Variants in FOSL1 observed in about 807,000 individuals in gnomAD.
The protein encoded by FOSL1 is fos-related antigen 1.
A neutral mutation model predicts 24.9 loss-of-function variants in FOSL1; 14 were observed. The observed-to-expected ratio is 0.56, with a 90% confidence interval of 0.37 to 0.88. The LOEUF is 0.88. Among genes scored for constraint, FOSL1 ranks in the 40% least tolerant of loss-of-function variants. The pLI, the probability that FOSL1 is intolerant of heterozygous loss-of-function variation, is 0.00. For missense variants in FOSL1, 318 were observed against 359.8 expected (o/e 0.88, Z 0.94); for synonymous variants, 133 against 145.1 (o/e 0.92, Z 0.60).
Position 65,896,682 on chromosome 11 carries a change from G to A in FOSL1, c.297+127C>T, listed in dbSNP as rs1304616175. Reference sequence around the variant, plus strand: ...TGGGGCTCCTATCACTTTCAGCCTTGGGCAGTAGTCACCTGTAGCCTACCT... The same window carrying A: ...TGGGGCTCCTATCACTTTCAGCCTTAGGCAGTAGTCACCTGTAGCCTACCT... On this transcript the variant is annotated intron_variant, in intron 2 of 3. Transcript: ENST00000312562. 3 of 705,098 alleles carry A rather than the reference G, an allele frequency of 4.3e-6. No individual in the cohort carries two copies. The Admixed American group carries it at 8.4e-5, about 20-fold the overall frequency. 43.7% of individuals were successfully genotyped at this position (705,098 alleles called of 1,614,324 possible).
In FOSL1 at chr11:65,900,368, A is replaced by G. The variant is rs1280416178; in HGVS notation, c.-29T>C. On this transcript the variant is annotated 5_prime_UTR_variant, in exon 1 of 4. Coordinates refer to ENST00000312562, the MANE Select transcript of FOSL1 (RefSeq NM_005438.5). ...CGGGGCTGGCGGCTCTGCGGGGTAC[A>G]CGGCTGCTGGGTTCTGACTCACCCG... 3.4e-6 allele frequency: 4 copies of G among 1,170,116 alleles called. No individual in the cohort carries two copies. Among genetic ancestry groups the G allele is most frequent in the Non-Finnish European group, 4.3e-6 (4 of 929,456 alleles). The allele number at this position is 1,170,116 out of a possible 1,614,324, so 72.5% of individuals were successfully genotyped here. A position where few individuals can be genotyped will look rare whatever the true frequency, so the allele number is the denominator to read the frequency against.
At chr11:65,899,670 C>T (rs1231602514) in intron 1 of FOSL1, among the ~76,000 whole-genome samples, 1 of 152,218 alleles carries the variant, frequency 6.6e-6, no homozygotes, top group Non-Finnish European at 1.5e-5. Flanking sequence ...TTCCACTGCC[C>T]GGACCCCCCT....
rs1382205558 is a variant in FOSL1, at chr11:65,900,332, C to T, written c.8G>A (p.Arg3Gln). The T allele has an allele frequency of 8.1e-7, 1 of 1,238,230 alleles. No individual in the cohort carries two copies. Among genetic ancestry groups the T allele is most frequent in the Non-Finnish European group, 1.0e-6 (1 of 990,062 alleles). 76.7% of individuals were successfully genotyped at this position (1,238,230 alleles called of 1,614,324 possible). Residue 3 changes from arginine to glutamine, a missense_variant, in exon 1 of 4, where the codon CGA (arginine) becomes CAA (glutamine). Coordinates refer to ENST00000312562, the MANE Select transcript of FOSL1 (RefSeq NM_005438.5). Reference protein sequence around the residue: MFRDFGEPGPSSG... With the variant: MFQDFGEPGPSSG... The stretch of plus-strand genomic sequence containing the variant: ...GCTCGGGCCGGGTTCCCCGAAGTCT[C>T]GGAACATGCCCGGGGCTGGCGGCTC...
At chr11:65,893,946 T>A in intron 3 of FOSL1, 68 bp downstream of exon 3, 1 of 1,074,542 alleles carries the variant, frequency 9.3e-7, no homozygotes, top group South Asian at 1.3e-5. Flanking sequence ...GGGCTACATA[T>A]ACTGGGGCTC....
intron 1 of FOSL1, 37 bp from the exon 2 acceptor site, chr11:65,897,043 C>A: frequency 2.6e-6 from 4 of 1,531,474 alleles, no homozygotes; most frequent in Non-Finnish European, 3.6e-6. Context: ...AGATGAGGTC[C>A]GTGTGGATTG....
rs1416098633 is a variant in FOSL1 at position 65,898,043 on chromosome 11, C to CCCTTTTTTT, written c.100-1038_100-1037insAAAAAAAGG. ...ATTTGGCTAATTTTTTTTTTCTTTT[C>CCCTTTTTTT]TGTTTTTTTTTTTTTGAGACACAGT... On this transcript the variant is annotated intron_variant, in intron 1 of 3. Transcript: ENST00000312562. Among the ~76,000 whole-genome samples the CCCTTTTTTT allele has an allele frequency of 2.5e-5, 2 of 79,672 alleles. 1 individual carries two copies. Among genetic ancestry groups the CCCTTTTTTT allele is most frequent in the South Asian group, 7.7e-4 (2 of 2,586 alleles). The allele number at this position is 79,672 out of a possible 152,430, so 52.3% of individuals were successfully genotyped here.
chr11:65,895,406 G>A (rs1860503148), intron 2 of FOSL1, among the ~76,000 whole-genome samples: 1 of 152,144 alleles, frequency 6.6e-6, no homozygotes, highest in African/African-American at 2.4e-5. Flanking sequence ...TTACAGGCGT[G>A]AGCCACCATG....
intron 1 of FOSL1, among the ~76,000 whole-genome samples, chr11:65,898,742 T>G (rs759694184): frequency 1.3e-5 from 2 of 152,166 alleles, no homozygotes; most frequent in Non-Finnish European, 2.9e-5. Flanking sequence ...AAGGATCACT[T>G]GAGCTCAGGA....
chr11:65,900,118 G>C, intron 1 of FOSL1, 123 bp downstream of exon 1: 3 of 463,386 alleles, frequency 6.5e-6, no homozygotes. Context: ...CAGGATCCTC[G>C]CCCCAGCCCC....
intron 2 of FOSL1, among the ~76,000 whole-genome samples, chr11:65,894,686 TCTCA>T (rs1860479370): frequency 6.6e-6 from 1 of 152,086 alleles, no homozygotes; most frequent in Non-Finnish European, 1.5e-5. Flanking sequence ...TTAGACAGAG[TCTCA>T]CTCTTTCCCA....
At chr11:65,894,189 G>A (rs1390150812) in intron 2 of FOSL1, 68 bp from the exon 3 acceptor site, 2 of 1,174,572 alleles carry the variant, frequency 1.7e-6, no homozygotes, top group African/African-American at 3.0e-5. Context: ...CCCTCATGGT[G>A]GCCCAGTGGT....
chr11:65,899,167 A>G (rs1380336335), intron 1 of FOSL1, among the ~76,000 whole-genome samples: 1 of 151,938 alleles, frequency 6.6e-6, no homozygotes, highest in Admixed American at 6.6e-5. Context: ...GTTCTGGGAG[A>G]AGTGGGTTCT....
upstream of FOSL1, chr11:65,900,455 C>CG (rs1224158349): frequency 1.3e-5 from 7 of 523,858 alleles, no homozygotes; most frequent in East Asian, 3.5e-5. Context: ...ACTGCGACCG[C>CG]GGGGGGTGGG....
chr11:65,895,077 A>G (rs1386349156), intron 2 of FOSL1, among the ~76,000 whole-genome samples: 2 of 146,332 alleles, frequency 1.4e-5, no homozygotes, highest in Non-Finnish European at 1.5e-5. Context: ...TTGGATTACC[A>G]GGGGGAGTCA....
intron 1 of FOSL1, among the ~76,000 whole-genome samples, chr11:65,898,979 A>AAAAAG (rs1860601991): frequency 8.2e-5 from 1 of 12,140 alleles, no homozygotes; most frequent in Non-Finnish European, 1.7e-3. Flanking sequence ...AAAAAAAAAG[A>AAAAAG]AAAGAAAGAG....
At chr11:65,900,083 G>T (rs771159233) in intron 1 of FOSL1, among the ~76,000 whole-genome samples, 158 bp downstream of exon 1, 8 of 152,142 alleles carry the variant, frequency 5.3e-5, no homozygotes, top group Non-Finnish European at 1.2e-4. Context: ...CGCGGTGGGG[G>T]CAACTGGCCC....
In FOSL1 at chr11:65,893,315, G is replaced by A. The variant is rs1860440374; in HGVS notation, c.406-19C>T. The stretch of plus-strand genomic sequence containing the variant: ...CAGTCTCCTGTAGAAGATCAGGAGA[G>A]GAGTCAGAAAGGTGAGGGCTGAATA... On this transcript the variant is annotated intron_variant, in intron 3 of 3. Coordinates refer to ENST00000312562, the MANE Select transcript of FOSL1 (RefSeq NM_005438.5). 1 of 1,582,102 alleles carries A rather than the reference G, an allele frequency of 6.3e-7. No individual in the cohort carries two copies. The highest frequency in any genetic ancestry group is 2.2e-5 in the East Asian group (1 of 44,680).
intron 2 of FOSL1, among the ~76,000 whole-genome samples, chr11:65,895,518 A>G (rs1860505867): frequency 6.6e-6 from 1 of 152,200 alleles, no homozygotes; most frequent in Non-Finnish European, 1.5e-5. Context: ...GAACCCATAG[A>G]ACTCACTCAC....
chr11:65,893,940 T>C, intron 3 of FOSL1, 74 bp downstream of exon 3: 1 of 981,204 alleles, frequency 1.0e-6, no homozygotes, highest in Non-Finnish European at 1.6e-6. Context: ...AGGAGGGGGC[T>C]ACATATACTG....
Sources: gnomAD v4.1 joint callset for allele counts (sites outside exome capture counted in the v4.1 genomes callset) on GRCh38, gnomAD v4.1.1 for gene constraint, MANE v1.5 for transcripts, NCBI Gene and HGNC (gene_info 2026-07-23, HGNC 2026-07-21) for gene names.